The following BCAS3 variants were observed in gnomAD, a reference collection of about 807,000 sequenced individuals.
BCAS3 encodes the protein BCAS3 microtubule associated cell migration factor, also known as BCAS4/BCAS3 fusion.
BCAS3 carries 53 observed loss-of-function variants against 116.1 expected under a neutral mutation model. That is an observed-to-expected ratio of 0.46 (90% CI 0.37 to 0.57). The LOEUF is 0.57. BCAS3 is among the 20% of genes least tolerant of loss of function. BCAS3 has a pLI of 0.00. For missense variants in BCAS3, 917 were observed against 1,165.4 expected, an observed-to-expected ratio of 0.79 and a Z score of 3.10; for synonymous variants, 391 against 408.2, an observed-to-expected ratio of 0.96 and a Z score of 0.51.
At chr17:60,713,903 G>A (rs1451654022) in intron 5 of BCAS3, among the ~76,000 whole-genome samples, 5 of 152,058 alleles carry the variant, frequency 3.3e-5, no homozygotes, top group Non-Finnish European at 5.9e-5. Flanking sequence ...GGGTGATCTC[G>A]GCTCACTGCA....
chr17:61,374,140 T>C (rs2059209956), intron 23 of BCAS3, among the ~76,000 whole-genome samples: 1 of 150,054 alleles, frequency 6.7e-6, no homozygotes, highest in South Asian at 2.1e-4. Context: ...TCTTGATGCA[T>C]CTCTGTTGCA....
chr17:60,957,014 A>G (rs774135396), intron 14 of BCAS3, among the ~76,000 whole-genome samples: 4 of 152,182 alleles, frequency 2.6e-5, no homozygotes, highest in Non-Finnish European at 4.4e-5. Context: ...TTTGTGGTCT[A>G]TGACTTGGGA....
At position 61,217,013 on chromosome 17, in the gene BCAS3, G is replaced by T. The variant is rs2081837292; in HGVS notation, c.2425+132449G>T. 6.6e-6 allele frequency among the ~76,000 whole-genome samples: 1 copy of T among 151,884 alleles called. No homozygotes were observed. Among genetic ancestry groups the T allele is most frequent in the Non-Finnish European group, 1.5e-5 (1 of 67,992 alleles). Reference sequence around the variant, plus strand: ...AGCACTAGTTTTGGCCGGGTGGGGTGGCTGACACCTGTAATCCCAGCACTT... The same window carrying T: ...AGCACTAGTTTTGGCCGGGTGGGGTTGCTGACACCTGTAATCCCAGCACTT... On this transcript the variant is annotated intron_variant, in intron 22 of 23. Coordinates refer to ENST00000407086, the MANE Select transcript of BCAS3 (RefSeq NM_017679.5). The surrounding 1 kb of genome is among the most constrained non-coding windows in gnomAD (Gnocchi z 5.2).
At chr17:61,194,720 A>G (rs1568551268) in intron 22 of BCAS3, among the ~76,000 whole-genome samples, 1 of 148,340 alleles carries the variant, frequency 6.7e-6, no homozygotes, top group Non-Finnish European at 1.5e-5. Flanking sequence ...TGCCTGGGCA[A>G]CAAGAGCAAG....
In BCAS3 at chr17:61,352,141, C is replaced by G. The variant is rs1055028028; in HGVS notation, c.2426-16186C>G. On this transcript the variant is annotated intron_variant, in intron 22 of 23. Transcript: ENST00000407086. The surrounding 1 kb of genome is among the most constrained non-coding windows in gnomAD (Gnocchi z 4.7). ...TGAAACAGTGAGAAATTAATTCCTT[C>G]GTTCAGCTGTTAGCCCTAACTCAGA... Among the ~76,000 whole-genome samples the G allele has an allele frequency of 2.6e-4, 39 of 152,234 alleles. No individual in the cohort carries two copies. Among genetic ancestry groups the G allele is most frequent in the African/African-American group, 9.2e-4 (38 of 41,464 alleles).
In BCAS3 at chr17:61,073,017, C is replaced by T. The variant is rs2071587045; in HGVS notation, c.2030-1903C>T. Among the ~76,000 whole-genome samples the T allele has an allele frequency of 6.6e-6, 1 of 152,152 alleles. No individual in the cohort carries two copies. The highest frequency in any genetic ancestry group is 1.5e-5 in the Non-Finnish European group (1 of 68,028). ...GGAATTTCAAGGATCCTCTTGTTCT[C>T]TTCTGTATTAAGAATTAATATAGAA... On this transcript the variant is annotated intron_variant, in intron 19 of 23. Coordinates refer to ENST00000407086, the MANE Select transcript of BCAS3 (RefSeq NM_017679.5). This position sits in a 1 kb window ranked among gnomAD's most constrained non-coding sequence, Gnocchi z 4.6.
chr17:61,088,484 T>C lies in BCAS3; in HGVS notation c.2425+3920T>C, dbSNP rs2073265199. Among the ~76,000 whole-genome samples, 1 of 152,240 alleles carries C rather than the reference T, an allele frequency of 6.6e-6. No individual in the cohort carries two copies. The highest frequency in any genetic ancestry group is 2.4e-5 in the African/African-American group (1 of 41,470). The stretch of plus-strand genomic sequence containing the variant: ...TTCATTTTGGCTAGATAGCTAAGAA[T>C]TTCTTTCTATTCTTTGTACCTTATA... On this transcript the variant is annotated intron_variant, in intron 22 of 23. Transcript: ENST00000407086. The surrounding 1 kb of genome is among the most constrained non-coding windows in gnomAD (Gnocchi z 4.2).
At chr17:61,057,333 A>G (rs930552171) in intron 19 of BCAS3, among the ~76,000 whole-genome samples, 1 of 152,126 alleles carries the variant, frequency 6.6e-6, no homozygotes, top group Non-Finnish European at 1.5e-5. Flanking sequence ...TTGTGCTTCT[A>G]TGTTCATTGA....
At chr17:60,976,190 A>AT (rs1229570497) in intron 14 of BCAS3, among the ~76,000 whole-genome samples, 4 of 136,386 alleles carry the variant, frequency 2.9e-5, no homozygotes, top group African/African-American at 1.5e-4. Context: ...CACTCGGCTA[A>AT]TTTTTTGTAT....
At chr17:61,195,728 C>CA (rs1466296751) in intron 22 of BCAS3, among the ~76,000 whole-genome samples, 1 of 151,654 alleles carries the variant, frequency 6.6e-6, no homozygotes, top group East Asian at 1.9e-4. Context: ...AGGCTGGACT[C>CA]AGACTCCTAG....
intron 9 of BCAS3, among the ~76,000 whole-genome samples, chr17:60,875,201 T>C (rs2055481577): frequency 1.3e-5 from 2 of 152,188 alleles, no homozygotes; most frequent in Non-Finnish European, 2.9e-5. Context: ...TCAAAAATCT[T>C]CAATACTGTT....
intron 22 of BCAS3, among the ~76,000 whole-genome samples, chr17:61,123,359 T>G (rs1352486508): frequency 1.3e-5 from 2 of 152,160 alleles, no homozygotes; most frequent in African/African-American, 4.8e-5. Context: ...TTCCCCCAGA[T>G]GGACACACCT....
At chr17:60,753,377 CTCT>C (rs755178182) in intron 6 of BCAS3, among the ~76,000 whole-genome samples, 3 of 138,290 alleles carry the variant, frequency 2.2e-5, no homozygotes, top group Middle Eastern at 3.4e-3. Flanking sequence ...TGTTATTTGT[CTCT>C]TATTTTATTT....
At chr17:60,702,995 C>T (rs2036610041) in intron 4 of BCAS3, among the ~76,000 whole-genome samples, 1 of 151,494 alleles carries the variant, frequency 6.6e-6, no homozygotes, top group Middle Eastern at 3.2e-3. Context: ...AAAATGCAGG[C>T]TGGGCGCGGT....
chr17:61,248,889 A>G lies in BCAS3; in HGVS notation c.2426-119438A>G, dbSNP rs1053093782. Among the ~76,000 whole-genome samples the G allele has an allele frequency of 9.9e-5, 15 of 152,246 alleles. No homozygotes were observed. The highest frequency in any genetic ancestry group is 3.6e-4 in the African/African-American group (15 of 41,460). On this transcript the variant is annotated intron_variant, in intron 22 of 23. Transcript: ENST00000407086. The surrounding 1 kb of genome is among the most constrained non-coding windows in gnomAD (Gnocchi z 4.3). ...AGAAGTAGTATACTGTCAAATACTT[A>G]TAAAACTTCCTTCTTCTTTGCTCTT... is the stretch of plus-strand genomic sequence containing the variant.
chr17:61,040,101 G>A (rs913386657), intron 18 of BCAS3, among the ~76,000 whole-genome samples: 2 of 152,136 alleles, frequency 1.3e-5, no homozygotes, highest in African/African-American at 2.4e-5. Flanking sequence ...AGAAAAAATT[G>A]CTCCTGACAT....
chr17:61,046,136 G>A (rs1293087015), intron 19 of BCAS3, among the ~76,000 whole-genome samples: 2 of 90,488 alleles, frequency 2.2e-5, no homozygotes, highest in Non-Finnish European at 4.2e-5. Context: ...CAATACTGGC[G>A]CCAGTTTCAA....
chr17:61,310,553 CAAA>C (rs374976012), intron 22 of BCAS3, among the ~76,000 whole-genome samples: 34 of 97,134 alleles, frequency 3.5e-4, no homozygotes, highest in African/African-American at 4.6e-4. Flanking sequence ...GACTCTGTCT[CAAA>C]AAAAAAAAAA....
At chr17:61,292,378 T>C (rs761299298) in intron 22 of BCAS3, among the ~76,000 whole-genome samples, 11 of 152,026 alleles carry the variant, frequency 7.2e-5, no homozygotes, top group Non-Finnish European at 1.2e-4. Flanking sequence ...GGGCCGGGCA[T>C]GGTGGCTCAC....
Sources: gnomAD v4.1 joint callset for allele counts (sites outside exome capture counted in the v4.1 genomes callset) on GRCh38, gnomAD v4.1.1 for gene constraint, Gnocchi (gnomAD v3.1) non-coding constraint, MANE v1.5 for transcripts, NCBI Gene and HGNC (gene_info 2026-07-23, HGNC 2026-07-21) for gene names.